Variants in TNS1 observed in about 807,000 individuals in gnomAD.
The protein encoded by TNS1 is tensin-1.
A neutral mutation model predicts 168.6 loss-of-function variants in TNS1; 62 were observed. That is an observed-to-expected ratio of 0.37 (90% CI 0.30 to 0.45). TNS1 has a LOEUF of 0.45. TNS1 is among the 20% of genes least tolerant of loss of function. The probability of loss-of-function intolerance (pLI) is 1.00; values close to 1 mark genes in which losing one functional copy is unlikely to be tolerated. For missense variants in TNS1, 2,240 were observed against 2,339.4 expected, an observed-to-expected ratio of 0.96 and a Z score of 0.88; for synonymous variants, 934 against 933.2, an observed-to-expected ratio of 1.00 and a Z score of -0.02.
chr2:217,966,503 C>A (rs1010272200), intron 3 of TNS1, among the ~76,000 whole-genome samples: 34 of 152,274 alleles, frequency 2.2e-4, no homozygotes, highest in African/African-American at 7.7e-4. Flanking sequence ...AGTAACTTCC[C>A]CAGGGCCTGC....
chr2:217,908,916 G>A (rs1954013060), intron 4 of TNS1, among the ~76,000 whole-genome samples: 1 of 152,096 alleles, frequency 6.6e-6, no homozygotes. Context: ...GGCTCTGGAG[G>A]AGGAATAATG....
At chr2:217,872,182 C>A (rs1949830808) in intron 18 of TNS1, among the ~76,000 whole-genome samples, 1 of 152,144 alleles carries the variant, frequency 6.6e-6, no homozygotes, top group Non-Finnish European at 1.5e-5. Flanking sequence ...GGCCTGAGGA[C>A]AAGGAATGAC....
At chr2:217,979,165 G>A (rs1485811390) in intron 2 of TNS1, among the ~76,000 whole-genome samples, 2 of 152,162 alleles carry the variant, frequency 1.3e-5, no homozygotes, top group East Asian at 1.9e-4. Flanking sequence ...GGAATAAGGG[G>A]GGCCTTCTCC....
At chr2:217,864,649 A>G (rs772498068) in intron 18 of TNS1, among the ~76,000 whole-genome samples, 1 of 152,226 alleles carries the variant, frequency 6.6e-6, no homozygotes, top group Non-Finnish European at 1.5e-5. Context: ...CACTGTCCCC[A>G]TCAAACTGGT....
chr2:217,930,703 G>C (rs976143953), intron 3 of TNS1, among the ~76,000 whole-genome samples: 1 of 152,216 alleles, frequency 6.6e-6, no homozygotes, highest in African/African-American at 2.4e-5. Flanking sequence ...CAGGAAAGTG[G>C]GGCAGTCAGA....
At chr2:217,981,358 C>T (rs1958043871) in intron 2 of TNS1, among the ~76,000 whole-genome samples, 1 of 152,236 alleles carries the variant, frequency 6.6e-6, no homozygotes, top group Non-Finnish European at 1.5e-5. Flanking sequence ...GCACCCTTGG[C>T]AGTGCATGGC....
At chr2:217,842,614 G>C (rs73074363) in intron 19 of TNS1, among the ~76,000 whole-genome samples, 3,437 of 152,136 alleles carry the variant, frequency 0.023, 122 homozygotes, top group African/African-American at 0.078. Context: ...TGCCCACCCT[G>C]GTCAATTCAG....
At chr2:217,844,379 G>T (rs1946371858) in intron 19 of TNS1, among the ~76,000 whole-genome samples, 1 of 152,132 alleles carries the variant, frequency 6.6e-6, no homozygotes, top group Non-Finnish European at 1.5e-5. Flanking sequence ...CCACAGGAAT[G>T]GCTTCCTACA....
chr2:217,997,163 TC>T (rs1038560047), intron 1 of TNS1, among the ~76,000 whole-genome samples: 9 of 151,928 alleles, frequency 5.9e-5, no homozygotes, highest in African/African-American at 2.2e-4. Context: ...AGAATCCATA[TC>T]CCTACCCGCT....
intron 18 of TNS1, among the ~76,000 whole-genome samples, chr2:217,866,775 C>T (rs945961916): frequency 1.3e-5 from 2 of 152,136 alleles, no homozygotes; most frequent in African/African-American, 4.8e-5. Flanking sequence ...GCTCCAGATC[C>T]CTTGGGCTGG....
chr2:218,022,749 T>C (rs73080386), intron 1 of TNS1, among the ~76,000 whole-genome samples: 1,723 of 123,094 alleles, frequency 0.014, 30 homozygotes, highest in African/African-American at 0.05. Context: ...CAGAGGCAGC[T>C]AAAGGGCTTA....
chr2:217,845,117 G>C (rs1249980312), intron 19 of TNS1, among the ~76,000 whole-genome samples: 1 of 152,214 alleles, frequency 6.6e-6, no homozygotes, highest in African/African-American at 2.4e-5. Context: ...TAAGGCACAA[G>C]GGTGATTGGA....
chr2:217,892,906 C>T (rs1029713149), intron 11 of TNS1, 42 bp downstream of exon 11: 2 of 1,604,360 alleles, frequency 1.2e-6, no homozygotes, highest in South Asian at 1.1e-5. Context: ...GGGGGTCACA[C>T]TGTCGATGTT....
chr2:217,864,409 C>G (rs1293234976), intron 18 of TNS1, among the ~76,000 whole-genome samples: 5 of 152,228 alleles, frequency 3.3e-5, no homozygotes, highest in East Asian at 3.8e-4. Context: ...GTTATGCCAT[C>G]TTCCTGATAA....
chr2:217,859,494 G>A (rs1948579358), intron 18 of TNS1: 1 of 680,476 alleles, frequency 1.5e-6, no homozygotes, highest in Non-Finnish European at 2.6e-6. Context: ...AGAAGGACTG[G>A]GGTGTCACCC....
intron 3 of TNS1, among the ~76,000 whole-genome samples, chr2:217,966,300 TG>T (rs1559391797): frequency 1.4e-5 from 2 of 142,156 alleles, no homozygotes; most frequent in African/African-American, 5.9e-5. Flanking sequence ...TGTGTGTGTG[TG>T]TGTGTGTGCG....
At chr2:217,873,346 G>A (rs1018563373) in intron 18 of TNS1, among the ~76,000 whole-genome samples, 7 of 152,200 alleles carry the variant, frequency 4.6e-5, no homozygotes, top group African/African-American at 1.7e-4. Context: ...TGGAGAGCAC[G>A]GTGTTTGGTG....
Position 217,880,811 on chromosome 2 carries a change from C to G in TNS1, c.1429+87G>C. The G allele has an allele frequency of 9.5e-7, 1 of 1,054,702 alleles. No homozygotes were observed. Among genetic ancestry groups the G allele is most frequent in the Non-Finnish European group, 1.5e-6 (1 of 684,872 alleles). 65.3% of individuals were successfully genotyped at this position (1,054,702 alleles called of 1,614,324 possible). ...TCTGCCTCCTCTCGAACCCAGATCTCTTGAAAGCAGGCCAAGAGAAGCAAG... is the reference window on the plus strand; with the variant it reads ...TCTGCCTCCTCTCGAACCCAGATCTGTTGAAAGCAGGCCAAGAGAAGCAAG... On this transcript the variant is annotated intron_variant, in intron 18 of 32. Coordinates refer to ENST00000682258, the MANE Select transcript of TNS1 (RefSeq NM_001387777.1). This position sits in a 1 kb window ranked among gnomAD's most constrained non-coding sequence, Gnocchi z 4.2.
At chr2:217,978,195 G>A (rs958295252) in intron 3 of TNS1, among the ~76,000 whole-genome samples, 5 of 152,142 alleles carry the variant, frequency 3.3e-5, no homozygotes, top group African/African-American at 1.2e-4. Flanking sequence ...TACTCATGGG[G>A]AAATTGAGGA....
Sources: gnomAD v4.1 joint callset for allele counts (sites outside exome capture counted in the v4.1 genomes callset) on GRCh38, gnomAD v4.1.1 for gene constraint, Gnocchi (gnomAD v3.1) non-coding constraint, MANE v1.5 for transcripts, NCBI Gene and HGNC (gene_info 2026-07-23, HGNC 2026-07-21) for gene names.